Variants in CCDC91 observed in about 807,000 individuals in gnomAD.
The protein encoded by CCDC91 is coiled-coil domain containing 91.
In CCDC91, 48 loss-of-function variants were observed where a neutral mutation model predicts 63.2. That is an observed-to-expected ratio of 0.76 (90% CI 0.60 to 0.97). The LOEUF (loss-of-function observed/expected upper bound fraction) is 0.97, where lower values mean the gene tolerates loss of function less well. Among genes scored for constraint, CCDC91 ranks in the 50% least tolerant of loss-of-function variants. The probability of loss-of-function intolerance (pLI) is 0.00; values close to 1 mark genes in which losing one functional copy is unlikely to be tolerated. For synonymous variants in CCDC91, 167 were observed against 165.8 expected (o/e 1.01, Z -0.06); for missense variants, 500 against 494.6 (o/e 1.01, Z -0.10).
At position 28,224,754 on chromosome 12, in the gene CCDC91, C is replaced by T. The variant is rs554433672; in HGVS notation, c.-14-32448C>T. On this transcript the variant is annotated intron_variant, in intron 1 of 12. Coordinates refer to ENST00000536442, the MANE Select transcript of CCDC91 (RefSeq NM_018318.5). ...ATCATGCTATTCACATTTCTGGCCA[C>T]AGTGAAAGTTTTTGTGAAAGTGAAG... is the stretch of plus-strand genomic sequence containing the variant. Among the ~76,000 whole-genome samples, 9 of 152,244 alleles carry T rather than the reference C, an allele frequency of 5.9e-5. No homozygotes were observed. In the South Asian group the frequency reaches 1.2e-3, roughly 21 times the overall value.
intron 6 of CCDC91, among the ~76,000 whole-genome samples, chr12:28,334,891 A>T (rs909845256): frequency 1.3e-5 from 2 of 151,890 alleles, no homozygotes; most frequent in African/African-American, 2.4e-5. Flanking sequence ...ATAGGTATAT[A>T]GCCTGTTCGT....
chr12:28,468,457 C>T (rs1343906314), intron 11 of CCDC91, among the ~76,000 whole-genome samples: 1 of 151,774 alleles, frequency 6.6e-6, no homozygotes, highest in Admixed American at 6.6e-5. Context: ...GAAAAAGTCT[C>T]TCAGTAAAGA....
chr12:28,485,061 G>A (rs1265385678), intron 12 of CCDC91, among the ~76,000 whole-genome samples: 122 of 151,664 alleles, frequency 8.0e-4, no homozygotes, highest in Non-Finnish European at 2.9e-5. Flanking sequence ...GGTCAAAATG[G>A]CAAAATAAAT....
intron 3 of CCDC91, among the ~76,000 whole-genome samples, chr12:28,286,609 C>G (rs1009086231): frequency 6.6e-6 from 1 of 152,180 alleles, no homozygotes; most frequent in African/African-American, 2.4e-5. Flanking sequence ...TCCAGTTCAT[C>G]CACTGATGGC....
At chr12:28,465,760 A>G (rs975265386) in intron 11 of CCDC91, among the ~76,000 whole-genome samples, 1 of 152,202 alleles carries the variant, frequency 6.6e-6, no homozygotes, top group Non-Finnish European at 1.5e-5. Context: ...CAATGCCTAG[A>G]CACAGACAAA....
intron 1 of CCDC91, among the ~76,000 whole-genome samples, chr12:28,243,904 T>A (rs1406297372): frequency 6.6e-6 from 1 of 152,122 alleles, no homozygotes; most frequent in Admixed American, 6.6e-5. Flanking sequence ...AGAGGATAAT[T>A]CCCCAGCAAG....
chr12:28,394,357 T>C (rs1946146319), intron 8 of CCDC91, among the ~76,000 whole-genome samples: 1 of 151,946 alleles, frequency 6.6e-6, no homozygotes, highest in African/African-American at 2.4e-5. Flanking sequence ...TCTCAGCTAC[T>C]CCGGAGGCTA....
chr12:28,304,407 AAAAAAAAAG>A, intron 3 of CCDC91, among the ~76,000 whole-genome samples: 5 of 141,066 alleles, frequency 3.5e-5, no homozygotes, highest in African/African-American at 1.0e-4. Context: ...AAAAAGAAAA[AAAAAAAAAG>A]AAAAAAAGAA....
At chr12:28,400,428 T>C (rs941145956) in intron 8 of CCDC91, among the ~76,000 whole-genome samples, 1 of 146,966 alleles carries the variant, frequency 6.8e-6, no homozygotes, top group African/African-American at 2.5e-5. Context: ...GAGGGACTGC[T>C]GTGAAGACCT....
At chr12:28,420,682 T>C (rs988421692) in intron 8 of CCDC91, among the ~76,000 whole-genome samples, 15 of 151,768 alleles carry the variant, frequency 9.9e-5, no homozygotes, top group African/African-American at 3.6e-4. Context: ...TTGTTCCTTT[T>C]CCCATACTTG....
intron 12 of CCDC91, among the ~76,000 whole-genome samples, chr12:28,502,385 G>A (rs1592870008): frequency 6.6e-6 from 1 of 151,930 alleles, no homozygotes; most frequent in African/African-American, 2.4e-5. Context: ...GGGATGTGAA[G>A]GACCTCTTCA....
intron 6 of CCDC91, among the ~76,000 whole-genome samples, chr12:28,345,318 TTAACA>T (rs1360949018): frequency 3.4e-4 from 52 of 152,116 alleles, no homozygotes; most frequent in Non-Finnish European, 6.5e-4. Flanking sequence ...ACTTTTTCAC[TTAACA>T]TAACTTAGAT....
intron 12 of CCDC91, among the ~76,000 whole-genome samples, chr12:28,542,648 C>A (rs183015283): frequency 1.3e-5 from 2 of 151,972 alleles, no homozygotes; most frequent in Admixed American, 6.6e-5. Context: ...ATTTTAGAGT[C>A]CAAATTATTC....
At chr12:28,435,196 T>C (rs1338664531) in intron 8 of CCDC91, among the ~76,000 whole-genome samples, 2 of 151,764 alleles carry the variant, frequency 1.3e-5, no homozygotes, top group African/African-American at 4.8e-5. Context: ...TTGCTCCTCT[T>C]TTTCTCCTAA....
chr12:28,415,430 G>GGTC (rs1410039191), intron 8 of CCDC91, among the ~76,000 whole-genome samples: 3 of 151,832 alleles, frequency 2.0e-5, no homozygotes, highest in Admixed American at 6.6e-5. Context: ...TCCATGTTGA[G>GGTC]ACTGGTCTCG....
intron 1 of CCDC91, among the ~76,000 whole-genome samples, chr12:28,240,081 A>G (rs778473722): frequency 3.3e-5 from 5 of 152,174 alleles, no homozygotes; most frequent in Non-Finnish European, 4.4e-5. Flanking sequence ...ATTTCTGTCA[A>G]TACTTACTCT....
At chr12:28,231,858 T>A (rs1289198291) in intron 1 of CCDC91, among the ~76,000 whole-genome samples, 1 of 152,184 alleles carries the variant, frequency 6.6e-6, no homozygotes. Flanking sequence ...TGAATCTGAT[T>A]CAGGCACAGC....
intron 3 of CCDC91, among the ~76,000 whole-genome samples, chr12:28,291,545 A>AGT (rs1417867961): frequency 6.6e-6 from 1 of 152,224 alleles, no homozygotes; most frequent in African/African-American, 2.4e-5. Context: ...ACCACCAACC[A>AGT]GTGACCATGA....
intron 8 of CCDC91, among the ~76,000 whole-genome samples, chr12:28,407,943 GATAT>G (rs1321846484): frequency 2.7e-5 from 1 of 37,412 alleles, no homozygotes; most frequent in Non-Finnish European, 1.3e-4. Flanking sequence ...CATATACATA[GATAT>G]ATACATATAT....
Sources: gnomAD v4.1 joint callset for allele counts (sites outside exome capture counted in the v4.1 genomes callset) on GRCh38, gnomAD v4.1.1 for gene constraint, MANE v1.5 for transcripts, NCBI Gene and HGNC (gene_info 2026-07-23, HGNC 2026-07-21) for gene names.